Variants in MBNL2 observed in about 807,000 individuals in gnomAD.
MBNL2 encodes the protein muscleblind like splicing regulator 2.
MBNL2 carries 17 observed loss-of-function variants against 41.9 expected under a neutral mutation model. The observed-to-expected ratio is 0.41, with a 90% CI of 0.28 to 0.61. The LOEUF (loss-of-function observed/expected upper bound fraction) is 0.61, where lower values mean the gene tolerates loss of function less well. Among genes scored for constraint, MBNL2 ranks in the 20% least tolerant of loss-of-function variants. MBNL2 has a pLI of 0.35. For missense variants in MBNL2, 336 were observed against 505.6 expected (o/e 0.66, Z 3.22); for synonymous variants, 195 against 182.9 (o/e 1.07, Z -0.53).
the MBNL2 span, among the ~76,000 whole-genome samples, chr13:97,204,460 A>G: frequency 7.9e-5 from 12 of 152,200 alleles, no homozygotes; most frequent in African/African-American, 2.9e-4. Context: ...TTCTAAGTAC[A>G]CATAAGCTCT....
the MBNL2 span, among the ~76,000 whole-genome samples, chr13:97,145,420 A>AG: frequency 6.6e-6 from 1 of 152,230 alleles, no homozygotes. Flanking sequence ...AGGGAGCAAA[A>AG]GGGACTGTAA....
At chr13:97,147,171 T>C in the MBNL2 span, among the ~76,000 whole-genome samples, 5 of 152,226 alleles carry the variant, frequency 3.3e-5, no homozygotes, top group Admixed American at 2.0e-4. Context: ...AGTAGGCAGG[T>C]TGCAGGAAGC....
rs537597784 is a variant in MBNL2 at position 97,349,235 on chromosome 13, T to TC, written c.804+2169dup. Among the ~76,000 whole-genome samples the TC allele has an allele frequency of 2.1e-3, 323 of 152,338 alleles. 2 individuals are homozygous for TC. The highest frequency in any genetic ancestry group is 7.1e-3 in the African/African-American group (296 of 41,570). Reference sequence around the variant, plus strand: ...AAAATAGAGAAATTCTCCCTTTTTTTCTTCTAGTAAAAGAGTAGTTTCCGA... The same window carrying TC: ...AAAATAGAGAAATTCTCCCTTTTTTTCCTTCTAGTAAAAGAGTAGTTTCCGA... On this transcript the variant is annotated intron_variant, in intron 5 of 8. Transcript: ENST00000679496.
At chr13:97,215,016 G>C in the MBNL2 span, among the ~76,000 whole-genome samples, 1 of 152,246 alleles carries the variant, frequency 6.6e-6, no homozygotes, top group South Asian at 2.1e-4. Context: ...CCCTGCCTCA[G>C]AGTGTTCTTT....
intron 1 of MBNL2, among the ~76,000 whole-genome samples, chr13:97,238,379 A>G (rs1478955245): frequency 1.3e-5 from 2 of 152,178 alleles, no homozygotes; most frequent in Non-Finnish European, 2.9e-5. Context: ...ATTTCATCCA[A>G]GGTGAGGGCA....
At chr13:97,344,687 A>AGACCT (rs1478496369) in intron 4 of MBNL2, among the ~76,000 whole-genome samples, 1 of 152,256 alleles carries the variant, frequency 6.6e-6, no homozygotes, top group Non-Finnish European at 1.5e-5. Context: ...ATTACTGAAT[A>AGACCT]GACCTTTCAC....
chr13:97,307,387 C>T (rs752135445), intron 2 of MBNL2, among the ~76,000 whole-genome samples: 29 of 151,428 alleles, frequency 1.9e-4, no homozygotes, highest in Non-Finnish European at 2.9e-4. Context: ...TTCTTCTACA[C>T]ATTTTATGGA....
intron 2 of MBNL2, among the ~76,000 whole-genome samples, chr13:97,333,218 A>G (rs924053663): frequency 1.3e-5 from 2 of 152,192 alleles, no homozygotes; most frequent in African/African-American, 4.8e-5. Context: ...ATGATACTCA[A>G]ACTGGTTCAC....
chr13:97,368,120 C>T (rs954028117), intron 8 of MBNL2, among the ~76,000 whole-genome samples: 4 of 152,046 alleles, frequency 2.6e-5, no homozygotes, highest in African/African-American at 9.7e-5. Context: ...TATAAGAAAA[C>T]AAGTTTGGAC....
intron 1 of MBNL2, among the ~76,000 whole-genome samples, chr13:97,228,421 T>G (rs1208317998): frequency 6.6e-6 from 1 of 152,164 alleles, no homozygotes; most frequent in African/African-American, 2.4e-5. Flanking sequence ...AACTCTCAGA[T>G]GTACTTTATA....
chr13:97,205,844 T>G, the MBNL2 span, among the ~76,000 whole-genome samples: 4 of 152,246 alleles, frequency 2.6e-5, no homozygotes, highest in Non-Finnish European at 4.4e-5. Context: ...CGACTGATGT[T>G]AAATTCTAAT....
intron 1 of MBNL2, among the ~76,000 whole-genome samples, chr13:97,241,668 CAT>C (rs1480796972): frequency 2.0e-5 from 3 of 152,208 alleles, no homozygotes; most frequent in Non-Finnish European, 4.4e-5. Flanking sequence ...TTAAGACACA[CAT>C]ATGCATAAAC....
intron 8 of MBNL2, among the ~76,000 whole-genome samples, chr13:97,386,647 C>T (rs2065944845): frequency 6.6e-6 from 1 of 152,198 alleles, no homozygotes; most frequent in African/African-American, 2.4e-5. Flanking sequence ...CTGCTCATAA[C>T]ATATTTGATA....
chr13:97,309,782 C>T (rs981672054), intron 2 of MBNL2, among the ~76,000 whole-genome samples: 1 of 152,318 alleles, frequency 6.6e-6, no homozygotes, highest in African/African-American at 2.4e-5. Flanking sequence ...GAGCATGGCT[C>T]ATGCCATGGG....
intron 1 of MBNL2, among the ~76,000 whole-genome samples, chr13:97,224,628 C>CAAAAAA (rs538498133): frequency 3.7e-5 from 4 of 107,432 alleles, no homozygotes; most frequent in Non-Finnish European, 7.4e-5. Flanking sequence ...GACCTTTTAC[C>CAAAAAA]AAAAAAAAAA....
chr13:97,390,334 A>G (rs2066298994), intron 8 of MBNL2, among the ~76,000 whole-genome samples: 1 of 152,226 alleles, frequency 6.6e-6, no homozygotes, highest in Non-Finnish European at 1.5e-5. Flanking sequence ...ATAATACAGT[A>G]TGCTTAGGAA....
At chr13:97,153,559 G>C in the MBNL2 span, among the ~76,000 whole-genome samples, 1 of 152,002 alleles carries the variant, frequency 6.6e-6, no homozygotes, top group African/African-American at 2.4e-5. Context: ...AGCTATGAAC[G>C]CATATAATTT....
chr13:97,211,697 A>T, the MBNL2 span, among the ~76,000 whole-genome samples: 2 of 152,188 alleles, frequency 1.3e-5, no homozygotes, highest in Admixed American at 1.3e-4. Flanking sequence ...ATAATTGCCC[A>T]TTTCTGGTAA....
At chr13:97,218,342 G>A (rs547820279), upstream of MBNL2, among the ~76,000 whole-genome samples, 7 of 151,328 alleles carry the variant, frequency 4.6e-5, no homozygotes, top group African/African-American at 7.3e-5. Flanking sequence ...CCCGGGAGGC[G>A]GAGTTTGCAG....
Sources: allele counts gnomAD v4.1 joint callset (sites outside exome capture counted in the v4.1 genomes callset), GRCh38; gene constraint gnomAD v4.1.1; transcripts MANE v1.5; gene names NCBI Gene and HGNC (gene_info 2026-07-23, HGNC 2026-07-21).